The following SYNPR variants were observed in gnomAD, a reference collection of about 807,000 sequenced individuals.
SYNPR encodes synaptoporin.
SYNPR carries 23 observed loss-of-function variants against 32.9 expected under a neutral mutation model. The ratio of observed to expected loss-of-function variants is 0.70; its 90% CI spans 0.50 to 0.99. SYNPR has a LOEUF of 0.99. Among genes scored for constraint, SYNPR ranks in the 50% least tolerant of loss-of-function variants. The pLI is 0.00. For synonymous variants in SYNPR, 146 were observed against 135.9 expected, an observed-to-expected ratio of 1.07 and a Z score of -0.52; for missense variants, 318 against 349.3, an observed-to-expected ratio of 0.91 and a Z score of 0.71.
intron 2 of SYNPR, among the ~76,000 whole-genome samples, chr3:63,324,845 G>T (rs2087149371): frequency 6.6e-6 from 1 of 152,044 alleles, no homozygotes; most frequent in Non-Finnish European, 1.5e-5. Flanking sequence ...TGGCCAGATG[G>T]TGACGGGTAA....
intron 3 of SYNPR, among the ~76,000 whole-genome samples, chr3:63,500,358 G>C (rs905806342): frequency 1.5e-4 from 23 of 152,202 alleles, no homozygotes; most frequent in Non-Finnish European, 2.8e-4. Context: ...GCTGAATCCA[G>C]GGTTACGAGA....
intron 2 of SYNPR, among the ~76,000 whole-genome samples, chr3:63,381,919 A>T (rs1357028257): frequency 6.6e-6 from 1 of 152,076 alleles, no homozygotes; most frequent in African/African-American, 2.4e-5. Flanking sequence ...TCAGGCATTT[A>T]TTTACGCACA....
intron 2 of SYNPR, among the ~76,000 whole-genome samples, chr3:63,412,529 A>G (rs2088479972): frequency 6.6e-6 from 1 of 152,202 alleles, no homozygotes; most frequent in Non-Finnish European, 1.5e-5. Flanking sequence ...ATAAAAGTCA[A>G]TAGACAAACT....
intron 2 of SYNPR, among the ~76,000 whole-genome samples, chr3:63,451,866 C>T (rs138602309): frequency 1.2e-4 from 19 of 152,186 alleles, no homozygotes; most frequent in African/African-American, 2.2e-4. Context: ...TCAGAAAACT[C>T]GGTTAGCTCA....
intron 1 of SYNPR, among the ~76,000 whole-genome samples, chr3:63,237,335 C>T (rs2086207492): frequency 6.6e-6 from 1 of 152,058 alleles, no homozygotes. Flanking sequence ...CACTCTACCA[C>T]CGAGGCCAAC....
chr3:63,461,543 G>T (rs1404040350), intron 2 of SYNPR, among the ~76,000 whole-genome samples: 2 of 151,984 alleles, frequency 1.3e-5, no homozygotes, highest in African/African-American at 4.8e-5. Context: ...TTAGGGATTT[G>T]TATCCCATCC....
intron 3 of SYNPR, among the ~76,000 whole-genome samples, chr3:63,482,199 G>A (rs1363303333): frequency 1.3e-5 from 2 of 152,098 alleles, no homozygotes; most frequent in African/African-American, 4.8e-5. Context: ...CCTGCACTGG[G>A]CTTCTTTAAT....
At chr3:63,238,913 T>G (rs1356911254) in intron 1 of SYNPR, among the ~76,000 whole-genome samples, 2 of 152,140 alleles carry the variant, frequency 1.3e-5, no homozygotes, top group African/African-American at 4.8e-5. Flanking sequence ...ATTCTAAAAT[T>G]GTCATTGCTG....
At chr3:63,526,096 C>A (rs1466752243) in intron 3 of SYNPR, among the ~76,000 whole-genome samples, 1 of 152,166 alleles carries the variant, frequency 6.6e-6, no homozygotes, top group Non-Finnish European at 1.5e-5. Context: ...CTCTTAGGAA[C>A]TAAGATTGAG....
chr3:63,276,359 C>G (rs575927002), upstream of SYNPR, among the ~76,000 whole-genome samples: 20 of 152,304 alleles, frequency 1.3e-4, 1 homozygote, highest in Middle Eastern at 0.01. Context: ...ATATGGACCT[C>G]TGAGTCTTCC....
At chr3:63,337,524 G>A (rs2087310669) in intron 2 of SYNPR, among the ~76,000 whole-genome samples, 1 of 152,092 alleles carries the variant, frequency 6.6e-6, no homozygotes, top group Non-Finnish European at 1.5e-5. Context: ...TTACCCAAAT[G>A]CATTAAAAAC....
chr3:63,297,479 T>C (rs1444654660), intron 2 of SYNPR, among the ~76,000 whole-genome samples: 2 of 152,230 alleles, frequency 1.3e-5, no homozygotes, highest in East Asian at 3.8e-4. Context: ...TTGTTAGCAG[T>C]ATATCCCATA....
chr3:63,211,330 C>A, the SYNPR span, among the ~76,000 whole-genome samples: 1 of 152,118 alleles, frequency 6.6e-6, no homozygotes. Context: ...GCCTCCCAAA[C>A]TGCTGGGATT....
At position 63,462,305 on chromosome 3, in the gene SYNPR, T is replaced by C. The variant is rs948151673; in HGVS notation, c.85-18527T>C. ...TGTACCTTAATTTCCTTTATCACAA[T>C]TTTATTTTTATTTGCCTATTCATTT... On this transcript the variant is annotated intron_variant, in intron 2 of 5. Transcript: ENST00000478300. Among the ~76,000 whole-genome samples, 7 of 152,064 alleles carry C rather than the reference T, an allele frequency of 4.6e-5. No homozygotes were observed. The East Asian group carries it at 1.4e-3, about 29-fold the overall frequency.
At chr3:63,530,914 A>G (rs1702101678) in intron 3 of SYNPR, among the ~76,000 whole-genome samples, 1 of 152,170 alleles carries the variant, frequency 6.6e-6, no homozygotes, top group Non-Finnish European at 1.5e-5. Flanking sequence ...ATTGTCACTC[A>G]CCCAGGCTTT....
At chr3:63,450,711 C>T (rs1207461700) in intron 2 of SYNPR, among the ~76,000 whole-genome samples, 3 of 152,106 alleles carry the variant, frequency 2.0e-5, no homozygotes, top group African/African-American at 7.2e-5. Context: ...GACTGGTAGA[C>T]ATGAAAAACA....
At chr3:63,202,487 C>T in the SYNPR span, among the ~76,000 whole-genome samples, 1 of 152,042 alleles carries the variant, frequency 6.6e-6, no homozygotes, top group Non-Finnish European at 1.5e-5. Context: ...AGCAGTTATC[C>T]CTCAGTGGGC....
intron 2 of SYNPR, among the ~76,000 whole-genome samples, chr3:63,344,466 G>A (rs1472358269): frequency 5.3e-5 from 8 of 150,820 alleles, no homozygotes; most frequent in African/African-American, 2.0e-4. Flanking sequence ...ATTGTAAAAT[G>A]TCTACTTAAA....
chr3:63,379,339 TG>T (rs1416821994), intron 2 of SYNPR, among the ~76,000 whole-genome samples: 1 of 152,178 alleles, frequency 6.6e-6, no homozygotes, highest in Non-Finnish European at 1.5e-5. Flanking sequence ...TTCTGTTGGT[TG>T]GTGATATTCT....
Sources: gnomAD v4.1 joint callset for allele counts (sites outside exome capture counted in the v4.1 genomes callset) on GRCh38, gnomAD v4.1.1 for gene constraint, MANE v1.5 for transcripts, NCBI Gene and HGNC (gene_info 2026-07-23, HGNC 2026-07-21) for gene names.